The following DOK6 variants were observed in gnomAD, a reference collection of about 807,000 sequenced individuals.
DOK6 encodes docking protein 6, also known as downstream of tyrosine kinase 6.
A neutral mutation model predicts 44.0 loss-of-function variants in DOK6; 22 were observed. That is an observed-to-expected ratio of 0.50 (90% CI 0.36 to 0.71). The LOEUF is 0.71. Ranked by LOEUF, DOK6 falls within the 30% of genes least tolerant of loss-of-function variation. The pLI is 0.00. For synonymous variants in DOK6, 166 were observed against 145.5 expected (o/e 1.14, Z -1.01); for missense variants, 340 against 416.4 (o/e 0.82, Z 1.60).
rs1982308277 is a variant in DOK6 at position 69,844,623 on chromosome 18, A to C, written c.*3240A>C. On this transcript the variant is annotated 3_prime_UTR_variant, in exon 8 of 8. Coordinates refer to ENST00000382713, the MANE Select transcript of DOK6 (RefSeq NM_152721.6). ...TCTTTCACTTACTTATTGAACAAAC[A>C]ATAAGCACTCAGAACTAATTTATTT... The C allele has an allele frequency of 6.6e-6, 1 of 152,190 alleles. No individual in the cohort carries two copies. Among genetic ancestry groups the C allele is most frequent in the African/African-American group, 2.4e-5 (1 of 41,446 alleles). The allele number at this position is 152,190 out of a possible 1,614,324, so 9.4% of individuals were successfully genotyped here. A position where few individuals can be genotyped will look rare whatever the true frequency, so the allele number is the denominator to read the frequency against.
chr18:69,803,552 T>C (rs905872811), intron 7 of DOK6, among the ~76,000 whole-genome samples: 1 of 152,156 alleles, frequency 6.6e-6, no homozygotes, highest in African/African-American at 2.4e-5. Flanking sequence ...GAAGATTTAG[T>C]GAGTAACAGA....
intron 1 of DOK6, among the ~76,000 whole-genome samples, chr18:69,464,731 T>A (rs1466246441): frequency 5.9e-5 from 9 of 152,252 alleles, no homozygotes; most frequent in Non-Finnish European, 1.0e-4. Context: ...GTCTTCACTA[T>A]GAACAATGTA....
intron 6 of DOK6, among the ~76,000 whole-genome samples, chr18:69,750,873 C>T (rs1979154249): frequency 6.6e-6 from 1 of 151,940 alleles, no homozygotes; most frequent in African/African-American, 2.4e-5. Flanking sequence ...AACACATACG[C>T]AGTGGAATAG....
At chr18:69,509,538 C>G (rs571586574) in intron 1 of DOK6, among the ~76,000 whole-genome samples, 3 of 147,770 alleles carry the variant, frequency 2.0e-5, no homozygotes, top group East Asian at 4.1e-4. Flanking sequence ...CTCGGGAGGC[C>G]GAGGCAGGAG....
At chr18:69,605,424 A>G (rs558566929) in intron 3 of DOK6, among the ~76,000 whole-genome samples, 12 of 152,116 alleles carry the variant, frequency 7.9e-5, no homozygotes, top group Admixed American at 1.3e-4. Context: ...TCCTGATGCT[A>G]ATTACCAAAC....
At chr18:69,567,996 C>T (rs964936402) in intron 2 of DOK6, among the ~76,000 whole-genome samples, 1 of 152,228 alleles carries the variant, frequency 6.6e-6, no homozygotes, top group Non-Finnish European at 1.5e-5. Context: ...AGCAGCTTCA[C>T]TCTCTCCCTC....
chr18:69,485,875 GTA>G (rs1980561671), intron 1 of DOK6, among the ~76,000 whole-genome samples: 6 of 140,912 alleles, frequency 4.3e-5, no homozygotes, highest in Middle Eastern at 3.5e-3. Flanking sequence ...TATAGTATAC[GTA>G]TATATGTGTG....
chr18:69,815,818 T>C (rs1015947565), intron 7 of DOK6, among the ~76,000 whole-genome samples: 23 of 152,138 alleles, frequency 1.5e-4, no homozygotes, highest in Non-Finnish European at 3.1e-4. Flanking sequence ...TACAAACATA[T>C]ATGTGTCATT....
rs1677552134 is a variant in DOK6, at chr18:69,401,111, G to T, written c.-134G>T. 1 of 868,174 alleles carries T rather than the reference G, an allele frequency of 1.2e-6. No individual in the cohort carries two copies. Among genetic ancestry groups the T allele is most frequent in the Non-Finnish European group, 1.5e-6 (1 of 648,682 alleles). The allele number at this position is 868,174 out of a possible 1,614,324, so 53.8% of individuals were successfully genotyped here. On this transcript the variant is annotated 5_prime_UTR_variant, in exon 1 of 8. Coordinates refer to ENST00000382713, the MANE Select transcript of DOK6 (RefSeq NM_152721.6). ...CCCGCGTCCCCACCGGCGGGAGCTCGGGGAAGAGCGGGCGGCGGCGCTGCT... is the reference window on the plus strand; with the variant it reads ...CCCGCGTCCCCACCGGCGGGAGCTCTGGGAAGAGCGGGCGGCGGCGCTGCT...
chr18:69,681,015 T>G (rs906800102), intron 4 of DOK6, among the ~76,000 whole-genome samples: 6 of 152,222 alleles, frequency 3.9e-5, no homozygotes, highest in Non-Finnish European at 8.8e-5. Flanking sequence ...TTGAAGTCAC[T>G]AATATATATA....
intron 3 of DOK6, among the ~76,000 whole-genome samples, chr18:69,654,958 T>C (rs771061060): frequency 3.3e-5 from 5 of 152,160 alleles, no homozygotes; most frequent in Non-Finnish European, 7.3e-5. Flanking sequence ...CTCTGGAGGC[T>C]GAGGCAGGAG....
At chr18:69,470,408 G>A (rs1192663619) in intron 1 of DOK6, among the ~76,000 whole-genome samples, 3 of 152,200 alleles carry the variant, frequency 2.0e-5, no homozygotes, top group Non-Finnish European at 4.4e-5. Flanking sequence ...CTGGAGCCAG[G>A]AAACTGTCTC....
At chr18:69,593,368 T>C (rs12326455) in intron 2 of DOK6, among the ~76,000 whole-genome samples, 92 of 150,882 alleles carry the variant, frequency 6.1e-4, no homozygotes, top group African/African-American at 2.1e-3. Context: ...CAAGGCCCTG[T>C]CTCTTAAAAG....
intron 5 of DOK6, among the ~76,000 whole-genome samples, chr18:69,701,455 T>C (rs1445264150): frequency 6.6e-6 from 1 of 152,212 alleles, no homozygotes; most frequent in Non-Finnish European, 1.5e-5. Context: ...AGATTCATGA[T>C]TATGTACAAT....
chr18:69,772,401 C>T (rs1270877961), intron 7 of DOK6, among the ~76,000 whole-genome samples: 1 of 151,962 alleles, frequency 6.6e-6, no homozygotes. Context: ...CTCAAATAGC[C>T]TCAACAATCT....
At chr18:69,732,214 G>A (rs1978430775) in intron 5 of DOK6, among the ~76,000 whole-genome samples, 1 of 152,000 alleles carries the variant, frequency 6.6e-6, no homozygotes, top group Non-Finnish European at 1.5e-5. Context: ...ATTAACATTG[G>A]GAGTTAAAAA....
intron 7 of DOK6, among the ~76,000 whole-genome samples, chr18:69,815,095 T>G (rs8092293): frequency 0.11 from 17,183 of 152,014 alleles, 1,095 homozygotes; most frequent in East Asian, 0.16. Context: ...TAACTTGCAA[T>G]GCAGTAGATC....
intron 6 of DOK6, among the ~76,000 whole-genome samples, chr18:69,754,848 G>A (rs1979303557): frequency 6.6e-6 from 1 of 152,110 alleles, no homozygotes; most frequent in Non-Finnish European, 1.5e-5. Flanking sequence ...AGTCATTTGG[G>A]GGATAGTGTT....
At chr18:69,401,936 A>G (rs1370600577) in intron 1 of DOK6, among the ~76,000 whole-genome samples, 1 of 152,256 alleles carries the variant, frequency 6.6e-6, no homozygotes, top group East Asian at 1.9e-4. Flanking sequence ...CGTGACGGCA[A>G]AGTTGATGGA....
Sources: allele counts gnomAD v4.1 joint callset (sites outside exome capture counted in the v4.1 genomes callset), GRCh38; gene constraint gnomAD v4.1.1; transcripts MANE v1.5; gene names NCBI Gene and HGNC (gene_info 2026-07-23, HGNC 2026-07-21).